The following MYO3A variants were observed in gnomAD, a reference collection of about 807,000 sequenced individuals.
MYO3A encodes myosin-IIIa.
MYO3A carries 180 observed loss-of-function variants against 192.7 expected under a neutral mutation model. The observed-to-expected ratio is 0.93, with a 90% CI of 0.83 to 1.06. The LOEUF (loss-of-function observed/expected upper bound fraction) is 1.06. Ranked by LOEUF, MYO3A falls within the 50% of genes least tolerant of loss-of-function variation. The pLI is 0.00. For missense variants in MYO3A, 1,896 were observed against 1,905.0 expected, an observed-to-expected ratio of 1.00 and a Z score of 0.09; for synonymous variants, 628 against 645.3, an observed-to-expected ratio of 0.97 and a Z score of 0.41.
chr10:26,013,977 T>C (rs1841826712), intron 6 of MYO3A, among the ~76,000 whole-genome samples: 1 of 152,042 alleles, frequency 6.6e-6, no homozygotes, highest in South Asian at 2.1e-4. Flanking sequence ...TTGTAACAAC[T>C]TGGATGGAGC....
intron 10 of MYO3A, among the ~76,000 whole-genome samples, chr10:26,065,127 C>G (rs1211332820): frequency 6.6e-6 from 1 of 152,150 alleles, no homozygotes; most frequent in East Asian, 1.9e-4. Context: ...GAGAGACTTA[C>G]AGGAAACCAA....
chr10:25,978,445 A>G (rs938075197), intron 4 of MYO3A, among the ~76,000 whole-genome samples: 8 of 152,212 alleles, frequency 5.3e-5, no homozygotes, highest in African/African-American at 1.4e-4. Context: ...ACCCCTTTCT[A>G]TAACCATCAA....
At chr10:25,994,612 C>G (rs1840297601) in intron 4 of MYO3A, among the ~76,000 whole-genome samples, 5 of 152,168 alleles carry the variant, frequency 3.3e-5, no homozygotes, top group Admixed American at 3.3e-4. Context: ...CATCGATGGT[C>G]TTTACAACTT....
chr10:26,074,887 T>A (rs1835435647), intron 14 of MYO3A, among the ~76,000 whole-genome samples: 1 of 152,030 alleles, frequency 6.6e-6, no homozygotes, highest in African/African-American at 2.4e-5. Flanking sequence ...GATATTTAGA[T>A]CTTTTATCCA....
chr10:26,095,734 A>T (rs993614131), intron 15 of MYO3A, among the ~76,000 whole-genome samples: 1 of 152,232 alleles, frequency 6.6e-6, no homozygotes, highest in Non-Finnish European at 1.5e-5. Context: ...AATGCTAGTT[A>T]TGCTACTTAG....
intron 10 of MYO3A, among the ~76,000 whole-genome samples, chr10:26,026,966 C>T (rs771686756): frequency 7.9e-4 from 121 of 152,324 alleles, no homozygotes; most frequent in Non-Finnish European, 1.5e-3. Context: ...TCCCAAAGTG[C>T]TGGCATTACA....
intron 6 of MYO3A, 46 bp downstream of exon 6, chr10:25,997,304 A>G (rs760991493): frequency 1.5e-6 from 2 of 1,343,328 alleles, no homozygotes. Flanking sequence ...ATAATGAACT[A>G]GTATGATATG....
At chr10:26,176,997 T>G in intron 31 of MYO3A, 152 bp downstream of exon 31, 1 of 878,238 alleles carries the variant, frequency 1.1e-6, no homozygotes, top group South Asian at 1.6e-5. Context: ...GGAGATACAG[T>G]TTTTTTAGGA....
intron 23 of MYO3A, among the ~76,000 whole-genome samples, chr10:26,151,190 C>T (rs1278069130): frequency 2.0e-5 from 3 of 152,118 alleles, no homozygotes; most frequent in Non-Finnish European, 2.9e-5. Flanking sequence ...ATTAGGTCCA[C>T]TTGATTGAGA....
At chr10:25,966,345 C>T (rs1838268410) in intron 4 of MYO3A, among the ~76,000 whole-genome samples, 1 of 152,038 alleles carries the variant, frequency 6.6e-6, no homozygotes, top group Non-Finnish European at 1.5e-5. Flanking sequence ...TTGGTAGGTT[C>T]TCAATATTGA....
chr10:25,990,484 TA>T (rs922746877), intron 4 of MYO3A, among the ~76,000 whole-genome samples: 2 of 151,786 alleles, frequency 1.3e-5, no homozygotes. Context: ...TTTTTTAAGG[TA>T]AAAGAGTTGT....
intron 23 of MYO3A, among the ~76,000 whole-genome samples, chr10:26,149,257 C>T (rs1236042153): frequency 1.3e-5 from 2 of 151,614 alleles, no homozygotes; most frequent in Non-Finnish European, 2.9e-5. Flanking sequence ...TTTTTTGAGA[C>T]AGAGTCTCAC....
chr10:26,212,057 A>G lies in MYO3A; in HGVS notation c.*94A>G, dbSNP rs370518635. 2.0e-6 allele frequency: 3 copies of G among 1,505,348 alleles called. No homozygotes were observed. The highest frequency in any genetic ancestry group is 2.8e-5 in the African/African-American group (2 of 71,960). The allele number at this position is 1,505,348 out of a possible 1,614,324, so 93.2% of individuals were successfully genotyped here. The stretch of plus-strand genomic sequence containing the variant: ...CACTCTGGGGCTGGCACCAGCAGGC[A>G]CTGAAGCTGCGGCCCTGATCTCCGC... On this transcript the variant is annotated 3_prime_UTR_variant, in exon 35 of 35. Coordinates refer to ENST00000642920, the MANE Select transcript of MYO3A (RefSeq NM_017433.5).
At chr10:26,207,180 C>G (rs529270340) in intron 34 of MYO3A, among the ~76,000 whole-genome samples, 1 of 151,078 alleles carries the variant, frequency 6.6e-6, no homozygotes, top group South Asian at 2.1e-4. Flanking sequence ...TTTCTTCATT[C>G]TGTTGAATGC....
chr10:26,004,053 A>G (rs564458365), intron 6 of MYO3A, among the ~76,000 whole-genome samples: 1 of 152,156 alleles, frequency 6.6e-6, no homozygotes, highest in Non-Finnish European at 1.5e-5. Context: ...ATAATTTAGA[A>G]CAAAAGCCAT....
intron 29 of MYO3A, among the ~76,000 whole-genome samples, chr10:26,172,403 G>A (rs772690701): frequency 7.9e-5 from 12 of 152,180 alleles, no homozygotes; most frequent in Non-Finnish European, 1.8e-4. Flanking sequence ...TTGATCCTCA[G>A]AAGCACCCAT....
chr10:26,119,367 A>G (rs1488798201), intron 17 of MYO3A, among the ~76,000 whole-genome samples: 1 of 152,184 alleles, frequency 6.6e-6, no homozygotes, highest in Non-Finnish European at 1.5e-5. Context: ...TCTTTAGCCT[A>G]TCTGCTACTG....
At chr10:25,961,955 AG>A (rs2130652377) in intron 4 of MYO3A, among the ~76,000 whole-genome samples, 1 of 152,288 alleles carries the variant, frequency 6.6e-6, no homozygotes, top group Non-Finnish European at 1.5e-5. Flanking sequence ...TAACAGTGCT[AG>A]GCTTTTAATG....
chr10:26,047,499 C>T lies in MYO3A; in HGVS notation c.954-19476C>T, dbSNP rs905134490. ...AAGAAAAGACACATTTCCGGCCGGG[C>T]ACAGTGGCTCACGCCTGTAATCCCA... is the stretch of plus-strand genomic sequence containing the variant. On this transcript the variant is annotated intron_variant, in intron 10 of 34. Transcript: ENST00000642920. Among the ~76,000 whole-genome samples the T allele has an allele frequency of 5.5e-4, 83 of 152,140 alleles. 2 individuals are homozygous for T. The highest frequency in any genetic ancestry group is 8.8e-5 in the Non-Finnish European group (6 of 68,024).
Sources: gnomAD v4.1 joint callset for allele counts (sites outside exome capture counted in the v4.1 genomes callset) on GRCh38, gnomAD v4.1.1 for gene constraint, MANE v1.5 for transcripts, NCBI Gene and HGNC (gene_info 2026-07-23, HGNC 2026-07-21) for gene names.